The following NAALADL2 variants were observed in gnomAD, a reference collection of about 807,000 sequenced individuals.
The protein encoded by NAALADL2 is N-acetylated alpha-linked acidic dipeptidase like 2, also known as inactive N-acetylated-alpha-linked acidic dipeptidase-like protein 2.
A neutral mutation model predicts 87.2 loss-of-function variants in NAALADL2; 76 were observed. The ratio of observed to expected loss-of-function variants is 0.87; its 90% CI spans 0.72 to 1.05. The LOEUF (loss-of-function observed/expected upper bound fraction) is 1.05. Ranked by LOEUF, NAALADL2 falls within the 50% of genes least tolerant of loss-of-function variation. The pLI is 0.00. For synonymous variants in NAALADL2, 354 were observed against 331.0 expected (o/e 1.07, Z -0.75); for missense variants, 1,089 against 945.8 (o/e 1.15, Z -1.99).
At chr3:174,832,146 G>T (rs1475056977) in intron 3 of NAALADL2, among the ~76,000 whole-genome samples, 1 of 151,980 alleles carries the variant, frequency 6.6e-6, no homozygotes, top group African/African-American at 2.4e-5. Context: ...CTTGCCTTCT[G>T]CTAACTTTTG....
chr3:175,608,228 T>C (rs1389130196), intron 10 of NAALADL2, among the ~76,000 whole-genome samples: 4 of 148,362 alleles, frequency 2.7e-5, no homozygotes, highest in African/African-American at 9.8e-5. Context: ...GTCCACAATC[T>C]GAAGTTCTAG....
At chr3:175,126,802 A>G (rs1292216323) in intron 2 of NAALADL2, among the ~76,000 whole-genome samples, 17 of 152,110 alleles carry the variant, frequency 1.1e-4, no homozygotes, top group Admixed American at 1.1e-3. Context: ...AGATTTATCA[A>G]AACCAAAAGG....
intron 1 of NAALADL2, among the ~76,000 whole-genome samples, chr3:174,514,038 T>G (rs1719772428): frequency 6.6e-6 from 1 of 152,142 alleles, no homozygotes; most frequent in South Asian, 2.1e-4. Flanking sequence ...TAGCTATCCT[T>G]ATTTATATAC....
At chr3:175,520,643 A>G (rs1224594766) in intron 9 of NAALADL2, among the ~76,000 whole-genome samples, 2 of 152,220 alleles carry the variant, frequency 1.3e-5, no homozygotes, top group Admixed American at 6.5e-5. Context: ...GAAAGTGAGT[A>G]AAATAGTGAA....
At chr3:175,362,458 GT>G (rs1765135471) in intron 5 of NAALADL2, among the ~76,000 whole-genome samples, 1 of 147,918 alleles carries the variant, frequency 6.8e-6, no homozygotes, top group Non-Finnish European at 1.5e-5. Flanking sequence ...ACCTTGGGCA[GT>G]TATGGCCATT....
At chr3:174,868,089 C>T (rs1727373017) in intron 1 of NAALADL2, among the ~76,000 whole-genome samples, 1 of 151,950 alleles carries the variant, frequency 6.6e-6, no homozygotes, top group Admixed American at 6.6e-5. Flanking sequence ...TGCTAAGGTA[C>T]TAGGTGTGAC....
chr3:174,745,800 T>A (rs751331326), intron 3 of NAALADL2, among the ~76,000 whole-genome samples: 13 of 152,114 alleles, frequency 8.5e-5, no homozygotes, highest in Non-Finnish European at 1.9e-4. Flanking sequence ...CACAAATTAA[T>A]AAATGTAAGT....
chr3:174,743,069 T>C (rs1733909781), intron 3 of NAALADL2, among the ~76,000 whole-genome samples: 1 of 151,756 alleles, frequency 6.6e-6, no homozygotes, highest in Non-Finnish European at 1.5e-5. Flanking sequence ...ATTCACTAAT[T>C]CCTGGTATCA....
In NAALADL2 at chr3:175,663,146, T is replaced by TTTTTATTTTATTTTA. The variant is rs537931566; in HGVS notation, c.1896+35776_1896+35790dup. 7.9e-5 allele frequency among the ~76,000 whole-genome samples: 12 copies of TTTTTATTTTATTTTA among 151,324 alleles called. 1 individual carries two copies. Among genetic ancestry groups the TTTTTATTTTATTTTA allele is most frequent in the Admixed American group, 7.3e-4 (11 of 15,166 alleles). On this transcript the variant is annotated intron_variant, in intron 11 of 13. Coordinates refer to ENST00000454872, the MANE Select transcript of NAALADL2 (RefSeq NM_207015.3). ...GTATACATTAGCTCCTGGGCTTGCT[T>TTTTTATTTTATTTTA]TTTTATTTTATTTTATTTTATTTTA...
At chr3:174,490,488 A>C (rs986546533) in intron 1 of NAALADL2, among the ~76,000 whole-genome samples, 1 of 152,106 alleles carries the variant, frequency 6.6e-6, no homozygotes, top group African/African-American at 2.4e-5. Context: ...TTTTGCAACC[A>C]TGTGAATATA....
intron 2 of NAALADL2, among the ~76,000 whole-genome samples, chr3:175,109,476 G>A (rs6797510): frequency 0.46 from 69,007 of 151,314 alleles, 15,849 homozygotes; most frequent in East Asian, 0.52. Flanking sequence ...CTAGACAATA[G>A]GAACATACTT....
chr3:174,887,275 T>TATC (rs60170027), intron 1 of NAALADL2, among the ~76,000 whole-genome samples: 45,097 of 151,914 alleles, frequency 0.3, 8,019 homozygotes, highest in African/African-American at 0.51. Flanking sequence ...TTGTTAACCT[T>TATC]ATCAATGTCA....
chr3:175,200,230 C>T (rs1739824026), intron 2 of NAALADL2, among the ~76,000 whole-genome samples: 1 of 151,962 alleles, frequency 6.6e-6, no homozygotes, highest in Non-Finnish European at 1.5e-5. Flanking sequence ...CTCTAGTGGG[C>T]CACAACTGTG....
At chr3:175,244,748 T>G (rs1299970028) in intron 3 of NAALADL2, among the ~76,000 whole-genome samples, 3 of 152,210 alleles carry the variant, frequency 2.0e-5, no homozygotes, top group Non-Finnish European at 4.4e-5. Context: ...GTGCATGGCT[T>G]CTCATCATTT....
chr3:175,112,088 A>G (rs1168546341), intron 2 of NAALADL2, among the ~76,000 whole-genome samples: 1 of 151,626 alleles, frequency 6.6e-6, no homozygotes, highest in Non-Finnish European at 1.5e-5. Flanking sequence ...AGAACCTGAC[A>G]CATAGTAAAC....
At chr3:174,745,792 C>T (rs1342594365) in intron 3 of NAALADL2, among the ~76,000 whole-genome samples, 1 of 152,064 alleles carries the variant, frequency 6.6e-6, no homozygotes, top group African/African-American at 2.4e-5. Flanking sequence ...TAAACATACA[C>T]AAATTAATAA....
intron 12 of NAALADL2, among the ~76,000 whole-genome samples, chr3:175,749,614 G>T (rs1023957439): frequency 6.6e-6 from 1 of 152,164 alleles, no homozygotes; most frequent in Non-Finnish European, 1.5e-5. Flanking sequence ...ACCCATAAAA[G>T]CAGAGCCCCC....
chr3:175,188,623 GACCCCTGGAGTCC>G (rs1228164132), intron 2 of NAALADL2, among the ~76,000 whole-genome samples: 1 of 152,092 alleles, frequency 6.6e-6, no homozygotes, highest in Non-Finnish European at 1.5e-5. Flanking sequence ...AACTGGACTA[GACCCCTGGAGTCC>G]AAGCTACTGA....
intron 3 of NAALADL2, among the ~76,000 whole-genome samples, chr3:174,844,192 T>C (rs964611703): frequency 1.8e-4 from 28 of 152,204 alleles, no homozygotes; most frequent in African/African-American, 6.8e-4. Flanking sequence ...TTTATTTTTG[T>C]ATATGGTGGG....
Sources: gnomAD v4.1 joint callset for allele counts (sites outside exome capture counted in the v4.1 genomes callset) on GRCh38, gnomAD v4.1.1 for gene constraint, MANE v1.5 for transcripts, NCBI Gene and HGNC (gene_info 2026-07-23, HGNC 2026-07-21) for gene names.